CETP: variants seen among roughly 807,000 people sequenced by gnomAD.
The protein encoded by CETP is BPI fold containing family F.
In CETP, 56 loss-of-function variants were observed where a neutral mutation model predicts 66.5. The ratio of observed to expected loss-of-function variants is 0.84; its 90% CI spans 0.68 to 1.05. The LOEUF is 1.05. CETP is among the 50% of genes least tolerant of loss of function. CETP has a pLI of 0.00. For missense variants in CETP, 612 were observed against 609.6 expected (o/e 1.00, Z -0.04); for synonymous variants, 251 against 245.7 (o/e 1.02, Z -0.20).
Position 56,978,151 on chromosome 16 carries a change from A to T in CETP, c.1042A>T (p.Ile348Phe), listed in dbSNP as rs1232970035. 1.2e-6 allele frequency: 2 copies of T among 1,614,080 alleles called. No homozygotes were observed. The highest frequency in any genetic ancestry group is 1.3e-5 in the African/African-American group (1 of 74,922). Residue 348 changes from isoleucine (I) to phenylalanine (F), a missense_variant, in exon 11 of 16, where the codon ATC (isoleucine) becomes TTC (phenylalanine). Coordinates refer to ENST00000200676, the MANE Select transcript of CETP (RefSeq NM_000078.3). ...CGTCCACTGCCTCAAGATGCCCAAG[A>T]TCTCCTGCCAAAACAAGGGAGTCGT... ...VTVHCLKMPK[I>F]SCQNKGVVVN...
At chr16:56,973,183 C>A in intron 8 of CETP, 148 bp from the exon 9 acceptor site, 1 of 801,042 alleles carries the variant, frequency 1.2e-6, no homozygotes, top group Non-Finnish European at 2.0e-6. Flanking sequence ...AGTGAAAGCC[C>A]CGCTGGGGGA....
At chr16:56,977,320 C>T (rs543870248) in intron 10 of CETP, among the ~76,000 whole-genome samples, 13 of 152,302 alleles carry the variant, frequency 8.5e-5, no homozygotes, top group African/African-American at 2.6e-4. Flanking sequence ...CCCAGTCCCA[C>T]AGGCTGTAAT....
intron 1 of CETP, chr16:56,962,457 G>A: frequency 1.9e-6 from 1 of 517,942 alleles, no homozygotes; most frequent in East Asian, 4.8e-5. Flanking sequence ...TTTGGTGTTG[G>A]GGGTCACTCT....
intron 2 of CETP, among the ~76,000 whole-genome samples, chr16:56,966,042 C>T (rs2141993784): frequency 6.6e-6 from 1 of 152,140 alleles, no homozygotes; most frequent in East Asian, 1.9e-4. Context: ...CTCCCAGAAG[C>T]CCTCTGTATC....
intron 5 of CETP, among the ~76,000 whole-genome samples, chr16:56,970,711 G>A (rs1363457508): frequency 6.6e-6 from 1 of 152,196 alleles, no homozygotes; most frequent in African/African-American, 2.4e-5. Context: ...GTCTGGAGAG[G>A]AGCCCTCTAT....
Position 56,969,603 on chromosome 16 carries a change from C to T in CETP, c.369-8C>T. 1.9e-6 allele frequency: 3 copies of T among 1,614,236 alleles called. No individual in the cohort carries two copies. The highest frequency in any genetic ancestry group is 1.1e-5 in the South Asian group (1 of 91,080). ...GAATGAGGGTCCTGGGTCCTTGGCT[C>T]TTTCCAGGCTGGGTATTGATCAGTC... On this transcript the variant is annotated splice_region_variant and splice_polypyrimidine_tract_variant and intron_variant, in intron 3 of 15. Coordinates refer to ENST00000200676, the MANE Select transcript of CETP (RefSeq NM_000078.3).
rs1191771090 is a variant in CETP at position 56,973,779 on chromosome 16, G to T, written c.930+269G>T. ...AAGGAAAGAGTTTATTCAGCCGGGA[G>T]CATGGGTAAGACTCCTGTCTCAAGA... On this transcript the variant is annotated intron_variant, in intron 9 of 15. Coordinates refer to ENST00000200676, the MANE Select transcript of CETP (RefSeq NM_000078.3). Among the ~76,000 whole-genome samples, 3 of 152,230 alleles carry T rather than the reference G, an allele frequency of 2.0e-5. No homozygotes were observed. In the East Asian group the frequency reaches 5.8e-4, roughly 29 times the overall value.
intron 8 of CETP, 147 bp from the exon 9 acceptor site, chr16:56,973,184 C>A: frequency 1.2e-6 from 1 of 810,192 alleles, no homozygotes; most frequent in South Asian, 1.6e-5. Context: ...GTGAAAGCCC[C>A]GCTGGGGGAA....
chr16:56,962,022 G>A lies in CETP; in HGVS notation c.43G>A (p.Ala15Thr). The part of the protein sequence containing the change: ...TVLTLALLGN[A>T]HACSKGTSHE... ...CCTGACCCTGGCCCTGCTGGGCAAT[G>A]CCCATGCCTGCTCCAAAGGCACCTC... The change falls in exon 1 of 16, where the codon GCC (alanine) becomes ACC (threonine). Residue 15 changes from alanine to threonine, a missense_variant. Ala to Thr is a moderately conservative substitution (Grantham distance 58, BLOSUM62 0). Transcript: ENST00000200676. 1.9e-6 allele frequency: 3 copies of A among 1,614,116 alleles called. No individual in the cohort carries two copies. Among genetic ancestry groups the A allele is most frequent in the Non-Finnish European group, 2.5e-6 (3 of 1,180,042 alleles).
At position 56,973,424 on chromosome 16, in the gene CETP, T is replaced by C; in HGVS notation, c.844T>C (p.Phe282Leu). ...GGACTCCCGCATGCTGTACTTCTGGTTCTCTGAGCGAGTCTTCCACTCGCT... is the reference window on the plus strand; with the variant it reads ...GGACTCCCGCATGCTGTACTTCTGGCTCTCTGAGCGAGTCTTCCACTCGCT... ...LGDSRMLYFW[F>L]SERVFHSLAK... The change falls in exon 9 of 16, where the codon TTC becomes CTC. Residue 282 changes from phenylalanine (F) to leucine (L), a missense_variant. Phe to Leu is a conservative substitution (Grantham distance 22). Transcript: ENST00000200676. The C allele has an allele frequency of 3.1e-6, 5 of 1,614,244 alleles. No individual in the cohort carries two copies. The highest frequency in any genetic ancestry group is 4.2e-6 in the Non-Finnish European group (5 of 1,180,046).
At position 56,981,665 on chromosome 16, in the gene CETP, T is replaced by G. The variant is rs780775969; in HGVS notation, c.1233T>G (p.Val411=). ...ATTTCAGGATTACACCAAAGACTGT[T>G]TCCAACTTGACTGAGGTAGGTAGTC... is the stretch of plus-strand genomic sequence containing the variant. ...LLDFQITPKT[V]SNLTESSSES... The change falls in exon 13 of 16, where the codon GTT becomes GTG. Residue 411 remains valine (V), a synonymous_variant. Coordinates refer to ENST00000200676, the MANE Select transcript of CETP (RefSeq NM_000078.3). 1.2e-6 allele frequency: 2 copies of G among 1,613,972 alleles called. No homozygotes were observed.
At chr16:56,977,969 C>A in intron 10 of CETP, 122 bp from the exon 11 acceptor site, 1 of 1,176,474 alleles carries the variant, frequency 8.5e-7, no homozygotes, top group Non-Finnish European at 1.2e-6. Context: ...CTACCCCGAG[C>A]TACTTCCTTT....
At position 56,963,160 on chromosome 16, in the gene CETP, A is replaced by G. The variant is rs9935228; in HGVS notation, c.233+36A>G. ...CCTCGGGTGTGACCAGGCTGGGGGT[A>G]GGGAGGCGGGAGGAACAGCCTGGGG... On this transcript the variant is annotated intron_variant, in intron 2 of 15. Coordinates refer to ENST00000200676, the MANE Select transcript of CETP (RefSeq NM_000078.3). 6,229 of 1,532,504 alleles carry G rather than the reference A, an allele frequency of 4.1e-3. 182 individuals carry two copies. In the African/African-American group the frequency reaches 0.073, roughly 18 times the overall value. 94.9% of individuals were successfully genotyped at this position (1,532,504 alleles called of 1,614,324 possible).
chr16:56,966,487 G>A (rs2056067188), intron 2 of CETP, among the ~76,000 whole-genome samples: 1 of 152,176 alleles, frequency 6.6e-6, no homozygotes, highest in African/African-American at 2.4e-5. Flanking sequence ...CCAGCTTCGT[G>A]CTAGAATCTG....
chr16:56,965,712 A>G (rs953552458), intron 2 of CETP, among the ~76,000 whole-genome samples: 1 of 152,110 alleles, frequency 6.6e-6, no homozygotes, highest in Admixed American at 6.5e-5. Context: ...GTCATATTCC[A>G]TGTGCTCAAG....
rs201243948 is a variant in CETP, at chr16:56,983,354, G to C, written c.1350G>C (p.Met450Ile). Reference sequence around the variant, plus strand: ...TCGAGGTAGTGTTTACAGCCCTCATGAACAGCAAAGGCGTGAGCCTCTTCG... The same window carrying C: ...TCGAGGTAGTGTTTACAGCCCTCATCAACAGCAAAGGCGTGAGCCTCTTCG... ...SRLEVVFTAL[M>I]NSKGVSLFDI... The change falls in exon 15 of 16, where the codon ATG becomes ATC. Residue 450 changes from methionine (M) to isoleucine (I), a missense_variant. Coordinates refer to ENST00000200676, the MANE Select transcript of CETP (RefSeq NM_000078.3). 6.2e-7 allele frequency: 1 copy of C among 1,614,246 alleles called. No homozygotes were observed. The highest frequency in any genetic ancestry group is 8.5e-7 in the Non-Finnish European group (1 of 1,180,048).
Position 56,972,161 on chromosome 16 carries a change from TC to T in CETP, c.750+83del, listed in dbSNP as rs535337656. ...CCTTTTTTGTGCTCTGACAACCCCG[TC>T]CCCCAGCTTCAACCTTATGGCAGCC... On this transcript the variant is annotated intron_variant, in intron 8 of 15. Transcript: ENST00000200676. 2.3e-4 allele frequency: 245 copies of T among 1,069,788 alleles called. No individual in the cohort carries two copies. In the African/African-American group the frequency reaches 3.4e-3, roughly 15 times the overall value. 66.3% of individuals were successfully genotyped at this position (1,069,788 alleles called of 1,614,324 possible).
Position 56,961,960 on chromosome 16 carries a change from C to T in CETP, c.-20C>T, listed in dbSNP as rs1002690375. The T allele has an allele frequency of 2.5e-6, 4 of 1,602,566 alleles. No individual in the cohort carries two copies. Among genetic ancestry groups the T allele is most frequent in the Admixed American group, 3.3e-5 (2 of 59,996 alleles). On this transcript the variant is annotated 5_prime_UTR_variant, in exon 1 of 16. Transcript: ENST00000200676. ...CAGGCTGAACGGCTCGGGCCACTTACACACCACTGCCTGATAACCATGCTG... is the reference window on the plus strand; with the variant it reads ...CAGGCTGAACGGCTCGGGCCACTTATACACCACTGCCTGATAACCATGCTG...
Position 56,978,082 on chromosome 16 carries a change from C to T in CETP, c.982-9C>T, listed in dbSNP as rs2056162227. On this transcript the variant is annotated splice_polypyrimidine_tract_variant and intron_variant, in intron 10 of 15. Coordinates refer to ENST00000200676, the MANE Select transcript of CETP (RefSeq NM_000078.3). ...CCTGTCCTGGCCATGGGACCCCTGT[C>T]TTCCACAGGTTGTCGGCGGCTTCCC... 1.2e-6 allele frequency: 2 copies of T among 1,613,822 alleles called. No homozygotes were observed. Among genetic ancestry groups the T allele is most frequent in the Non-Finnish European group, 1.7e-6 (2 of 1,179,882 alleles).
Sources: allele counts gnomAD v4.1 joint callset (sites outside exome capture counted in the v4.1 genomes callset), GRCh38; gene constraint gnomAD v4.1.1; transcripts MANE v1.5; gene names NCBI Gene and HGNC (gene_info 2026-07-23, HGNC 2026-07-21).